VPS13C: variants seen among roughly 807,000 people sequenced by gnomAD.
The protein encoded by VPS13C is vacuolar protein sorting 13 homolog C.
A neutral mutation model predicts 456.8 loss-of-function variants in VPS13C; 358 were observed. The ratio of observed to expected loss-of-function variants is 0.78; its 90% confidence interval spans 0.72 to 0.86. The LOEUF is 0.86. VPS13C is among the 40% of genes least tolerant of loss of function. The pLI is 0.00. For missense variants in VPS13C, 4,818 were observed against 4,385.4 expected, an observed-to-expected ratio of 1.10 and a Z score of -2.79; for synonymous variants, 1,578 against 1,486.7, an observed-to-expected ratio of 1.06 and a Z score of -1.41.
At chr15:62,048,263 C>G (rs111963848) in intron 1 of VPS13C, among the ~76,000 whole-genome samples, 12 of 120,262 alleles carry the variant, frequency 1.0e-4, no homozygotes, top group South Asian at 3.3e-4. Flanking sequence ...CCCACCCCCC[C>G]CAACAGGCCC....
At chr15:62,026,693 T>A (rs1010835580) in intron 6 of VPS13C, among the ~76,000 whole-genome samples, 23 of 152,046 alleles carry the variant, frequency 1.5e-4, no homozygotes, top group African/African-American at 5.6e-4. Context: ...GAAACAACCA[T>A]CCTACTTCAG....
At position 61,866,603 on chromosome 15, in the gene VPS13C, AC is replaced by A. The variant is rs539929994; in HGVS notation, c.10863+2055del. Reference sequence around the variant, plus strand: ...TATTTGTGCTTGACTCTCCTAGAAAACTGCATGTGGTGACATTTTTGCCAAT... The same window carrying A: ...TATTTGTGCTTGACTCTCCTAGAAAATGCATGTGGTGACATTTTTGCCAAT... On this transcript the variant is annotated intron_variant, in intron 81 of 84. Coordinates refer to ENST00000644861, the MANE Select transcript of VPS13C (RefSeq NM_020821.3). The A allele has an allele frequency of 3.7e-4, 363 of 985,094 alleles. 1 individual carries two copies. The African/African-American group carries it at 5.8e-3, about 16-fold the overall frequency. The allele number at this position is 985,094 out of a possible 1,614,324, so 61.0% of individuals were successfully genotyped here.
chr15:62,001,703 G>A (rs1567093870), intron 15 of VPS13C, among the ~76,000 whole-genome samples: 1 of 152,046 alleles, frequency 6.6e-6, no homozygotes, highest in Non-Finnish European at 1.5e-5. Flanking sequence ...AGAGTGTGAT[G>A]TTCCCCTTCC....
Position 62,010,576 on chromosome 15 carries a change from C to A in VPS13C, c.907G>T (p.Ala303Ser), listed in dbSNP as rs566277100. 5 of 1,611,912 alleles carry A rather than the reference C, an allele frequency of 3.1e-6. No individual in the cohort carries two copies. In the Admixed American group the frequency reaches 8.4e-5, roughly 27 times the overall value. Reference sequence around the variant, plus strand: ...GCATAAGGATTCATGTAGAGTTTTGCAGAGGCTGATATTGGCTGGAAAACT... The same window carrying A: ...GCATAAGGATTCATGTAGAGTTTTGAAGAGGCTGATATTGGCTGGAAAACT... ...QYIFQPISAS[A>S]KLYMNPYAES... The change falls in exon 13 of 85, where the codon GCA (alanine) becomes TCA (serine). Residue 303 changes from alanine to serine, a missense_variant. Physicochemically the swap from Ala to Ser is moderately conservative, Grantham distance 99. Coordinates refer to ENST00000644861, the MANE Select transcript of VPS13C (RefSeq NM_020821.3).
At chr15:62,046,072 C>T (rs907235574) in intron 1 of VPS13C, among the ~76,000 whole-genome samples, 1 of 151,888 alleles carries the variant, frequency 6.6e-6, no homozygotes, top group Non-Finnish European at 1.5e-5. Context: ...ACATACAGTT[C>T]TCAAATTTTC....
chr15:61,982,037 T>C (rs1028547815), intron 21 of VPS13C, among the ~76,000 whole-genome samples: 4 of 152,234 alleles, frequency 2.6e-5, no homozygotes, highest in African/African-American at 4.8e-5. Flanking sequence ...TAGTACTTTA[T>C]GTAGGGATAG....
chr15:62,037,058 T>C (rs1381739364), intron 3 of VPS13C, among the ~76,000 whole-genome samples: 1 of 147,908 alleles, frequency 6.8e-6, no homozygotes, highest in African/African-American at 2.5e-5. Flanking sequence ...GGGTCTCTCA[T>C]AACTCAATGG....
intron 80 of VPS13C, among the ~76,000 whole-genome samples, chr15:61,869,177 G>GCACGATCTC (rs1894824607): frequency 6.7e-6 from 1 of 148,614 alleles, no homozygotes; most frequent in Non-Finnish European, 1.5e-5. Flanking sequence ...GAGTGCAGTG[G>GCACGATCTC]CACGATCTCA....
intron 64 of VPS13C, among the ~76,000 whole-genome samples, chr15:61,909,852 T>C (rs2043252378): frequency 6.6e-6 from 1 of 151,810 alleles, no homozygotes; most frequent in South Asian, 2.1e-4. Context: ...CTGGAAACCA[T>C]CATTCTCAGC....
Position 61,922,013 on chromosome 15 carries a change from G to A in VPS13C, c.6996C>T (p.Ile2332=). 1 of 1,613,526 alleles carries A rather than the reference G, an allele frequency of 6.2e-7. No homozygotes were observed. Among genetic ancestry groups the A allele is most frequent in the Non-Finnish European group, 8.5e-7 (1 of 1,179,644 alleles). The change falls in exon 55 of 85, where the codon ATC becomes ATT. Residue 2332 remains isoleucine (I), a synonymous_variant. Transcript: ENST00000644861. Reference sequence around the variant, plus strand: ...CAATCAGTGGCTCCCAGACAGCATGGATCTCATTGTAATAGTGCACCTGGA... The same window carrying A: ...CAATCAGTGGCTCCCAGACAGCATGAATCTCATTGTAATAGTGCACCTGGA... ...VTLQVHYYNE[I]HAVWEPLIER...
At chr15:61,868,101 G>A (rs147175986) in intron 81 of VPS13C, among the ~76,000 whole-genome samples, 3 of 151,948 alleles carry the variant, frequency 2.0e-5, no homozygotes, top group East Asian at 3.9e-4. Context: ...TTCTTTTGGG[G>A]GAAAGCCTGT....
chr15:62,012,257 CAA>C, intron 11 of VPS13C, 93 bp from the exon 12 acceptor site: 1 of 546,082 alleles, frequency 1.8e-6, no homozygotes, highest in African/African-American at 2.0e-5. Context: ...CACACACACA[CAA>C]AGCTTGGTTC....
At chr15:61,914,322 A>AT (rs2043395184) in intron 61 of VPS13C, among the ~76,000 whole-genome samples, 1 of 152,008 alleles carries the variant, frequency 6.6e-6, no homozygotes, top group African/African-American at 2.4e-5. Flanking sequence ...TAATCCCAGC[A>AT]TTTTGAGAGG....
At chr15:62,029,250 T>C (rs1000197405) in intron 5 of VPS13C, among the ~76,000 whole-genome samples, 1 of 152,150 alleles carries the variant, frequency 6.6e-6, no homozygotes, top group Non-Finnish European at 1.5e-5. Flanking sequence ...TCATATAAAG[T>C]ATTTTGAAGA....
At chr15:61,897,559 G>A (rs28824309) in intron 66 of VPS13C, among the ~76,000 whole-genome samples, 81,410 of 151,800 alleles carry the variant, frequency 0.54, 22,146 homozygotes, top group Admixed American at 0.62. Flanking sequence ...AGAAAAAAGA[G>A]TAAAAAGAAA....
Position 61,867,218 on chromosome 15 carries a change from C to G in VPS13C, c.10863+1441G>C. On this transcript the variant is annotated intron_variant, in intron 81 of 84. Transcript: ENST00000644861. This position sits in a 1 kb window ranked among gnomAD's most constrained non-coding sequence, Gnocchi z 5.0. ...TTAAAACTAATAATTATGAAATAAG[C>G]ATAACCAACAAGGAGATTCAATTTT... The G allele has an allele frequency of 1.0e-6, 1 of 981,896 alleles. No homozygotes were observed. The highest frequency in any genetic ancestry group is 1.2e-6 in the Non-Finnish European group (1 of 826,810). 60.8% of individuals were successfully genotyped at this position (981,896 alleles called of 1,614,324 possible). A position where few individuals can be genotyped will look rare whatever the true frequency, so the allele number is the denominator to read the frequency against.
chr15:61,868,014 A>G (rs1894713246), intron 81 of VPS13C: 1 of 1,084,742 alleles, frequency 9.2e-7, no homozygotes, highest in Non-Finnish European at 1.4e-6. Flanking sequence ...AAACGTAATC[A>G]TATACAATAA....
Position 61,881,810 on chromosome 15 carries a change from C to G in VPS13C, c.9643G>C (p.Gly3215Arg). 1 of 1,595,330 alleles carries G rather than the reference C, an allele frequency of 6.3e-7. No homozygotes were observed. ...TGAAATACAACAGGGAACATTGCAC[C>G]TGGTAACTGATTATCAACCTGAAAG... ...YWLQVDNQLP[G>R]AMFPVVFHPV... is the part of the protein sequence containing the mutation. Residue 3215 changes from glycine to arginine, a missense_variant, in exon 70 of 85, where the codon GGT (glycine) becomes CGT (arginine). Gly to Arg is a moderately radical substitution (Grantham distance 125). Transcript: ENST00000644861.
chr15:62,035,323 A>G (rs894684986), intron 3 of VPS13C, among the ~76,000 whole-genome samples: 2 of 152,038 alleles, frequency 1.3e-5, no homozygotes, highest in African/African-American at 2.4e-5. Flanking sequence ...TGTAAAATGA[A>G]TAAGTCAGCT....
Sources: gnomAD v4.1 joint callset for allele counts (sites outside exome capture counted in the v4.1 genomes callset) on GRCh38, gnomAD v4.1.1 for gene constraint, Gnocchi (gnomAD v3.1) non-coding constraint, MANE v1.5 for transcripts, NCBI Gene and HGNC (gene_info 2026-07-23, HGNC 2026-07-21) for gene names.